Variants in MICU3 observed in about 807,000 individuals in gnomAD.
The protein encoded by MICU3 is mitochondrial calcium uptake 3, also known as calcium uptake protein 3, mitochondrial.
A neutral mutation model predicts 66.5 loss-of-function variants in MICU3; 62 were observed. The ratio of observed to expected loss-of-function variants is 0.93; its 90% confidence interval spans 0.76 to 1.15. MICU3 has a LOEUF of 1.15. MICU3 is among the 50% of genes most tolerant of loss of function. MICU3 has a pLI of 0.00. For missense variants in MICU3, 779 were observed against 664.4 expected, an observed-to-expected ratio of 1.17 and a Z score of -1.90; for synonymous variants, 308 against 240.7, an observed-to-expected ratio of 1.28 and a Z score of -2.59.
chr8:17,126,447 G>GA (rs1803407114), downstream of MICU3, among the ~76,000 whole-genome samples: 1 of 152,100 alleles, frequency 6.6e-6, no homozygotes, highest in Non-Finnish European at 1.5e-5. Flanking sequence ...AGGGAGTGAG[G>GA]AAAAATCGGC....
intron 5 of MICU3, among the ~76,000 whole-genome samples, chr8:17,084,368 A>T (rs927043761): frequency 6.6e-6 from 1 of 152,146 alleles, no homozygotes; most frequent in African/African-American, 2.4e-5. Flanking sequence ...TTATTTTCAG[A>T]AACAGCTGTT....
intron 3 of MICU3, among the ~76,000 whole-genome samples, chr8:17,072,932 G>A (rs766385908): frequency 1.3e-4 from 20 of 152,070 alleles, no homozygotes; most frequent in Non-Finnish European, 2.6e-4. Flanking sequence ...TGTCACCCAG[G>A]CTGGAGTGCA....
chr8:17,074,054 G>A (rs1042125008), intron 3 of MICU3, among the ~76,000 whole-genome samples: 2 of 149,530 alleles, frequency 1.3e-5, no homozygotes, highest in African/African-American at 4.9e-5. Flanking sequence ...TTTTCTTTTT[G>A]GTTTTTTTTT....
chr8:17,118,219 A>T (rs1366720067), intron 13 of MICU3, among the ~76,000 whole-genome samples: 1 of 152,114 alleles, frequency 6.6e-6, no homozygotes, highest in Non-Finnish European at 1.5e-5. Flanking sequence ...TTTTATTTTT[A>T]TTTATTACAT....
downstream of MICU3, among the ~76,000 whole-genome samples, chr8:17,124,763 A>G (rs768514954): frequency 2.5e-4 from 38 of 151,978 alleles, no homozygotes; most frequent in Non-Finnish European, 4.6e-4. Flanking sequence ...AGGGATAGAA[A>G]TAGAGTATGG....
chr8:17,124,543 G>T (rs1042202870), downstream of MICU3, among the ~76,000 whole-genome samples: 1 of 151,988 alleles, frequency 6.6e-6, no homozygotes, highest in East Asian at 1.9e-4. Flanking sequence ...TGGCCCAGAG[G>T]TGTTATTCTA....
chr8:17,080,532 G>A (rs28578171), intron 4 of MICU3, among the ~76,000 whole-genome samples: 66,141 of 151,706 alleles, frequency 0.44, 14,895 homozygotes, highest in African/African-American at 0.54. Context: ...TCCTTTTCTC[G>A]CCCCTTCTTT....
chr8:17,120,285 T>G lies in MICU3; in HGVS notation c.*1-3T>G, dbSNP rs1803104242. On this transcript the variant is annotated splice_region_variant and splice_polypyrimidine_tract_variant and intron_variant, in intron 14 of 14. Coordinates refer to ENST00000318063, the MANE Select transcript of MICU3 (RefSeq NM_181723.3). ...CTTTTGTGTTATTATTTTTTTTAAT[T>G]AGATACTCCTAAAACAAAGTTTAAA... 6.6e-6 allele frequency: 1 copy of G among 152,156 alleles called. No individual in the cohort carries two copies. Among genetic ancestry groups the G allele is most frequent in the Admixed American group, 6.5e-5 (1 of 15,272 alleles). 9.4% of individuals were successfully genotyped at this position (152,156 alleles called of 1,614,324 possible).
intron 4 of MICU3, among the ~76,000 whole-genome samples, chr8:17,080,180 C>T (rs371572707): frequency 6.6e-6 from 1 of 151,558 alleles, no homozygotes; most frequent in Non-Finnish European, 1.5e-5. Context: ...AAAAATATAC[C>T]GTTCATCTTC....
chr8:17,101,112 T>C (rs1801217631), intron 9 of MICU3, among the ~76,000 whole-genome samples: 2 of 152,018 alleles, frequency 1.3e-5, no homozygotes, highest in Non-Finnish European at 2.9e-5. Flanking sequence ...AATAGTTTGA[T>C]ATATTTATAT....
At chr8:17,030,553 A>T (rs1811846759) in intron 1 of MICU3, among the ~76,000 whole-genome samples, 3 of 152,152 alleles carry the variant, frequency 2.0e-5, no homozygotes, top group Admixed American at 2.0e-4. Context: ...TATTAGTGTA[A>T]CATCCAAATG....
the MICU3 span, among the ~76,000 whole-genome samples, chr8:17,137,172 C>A: frequency 6.6e-6 from 1 of 151,956 alleles, no homozygotes; most frequent in Non-Finnish European, 1.5e-5. Flanking sequence ...GGCTTCTAGC[C>A]CAAAGGTTGC....
At chr8:17,044,538 A>C (rs547464732) in intron 1 of MICU3, among the ~76,000 whole-genome samples, 9 of 152,206 alleles carry the variant, frequency 5.9e-5, no homozygotes, top group Non-Finnish European at 1.2e-4. Context: ...GTAACCTAGA[A>C]AAATTGGTGA....
At chr8:17,131,667 G>A in the MICU3 span, 2 of 152,488 alleles carry the variant, frequency 1.3e-5, no homozygotes, top group African/African-American at 2.4e-5. Flanking sequence ...CCTGCAGCAT[G>A]GGAGAAACCA....
chr8:17,093,665 G>A (rs568838288), intron 8 of MICU3, among the ~76,000 whole-genome samples: 1 of 151,736 alleles, frequency 6.6e-6, no homozygotes. Context: ...ACCTGTATAA[G>A]ATTATAGATT....
chr8:17,056,133 T>A (rs1045406489), intron 1 of MICU3, among the ~76,000 whole-genome samples: 1 of 152,208 alleles, frequency 6.6e-6, no homozygotes, highest in Non-Finnish European at 1.5e-5. Flanking sequence ...ATCCCCTGTT[T>A]CAGATTCCTA....
intron 8 of MICU3, among the ~76,000 whole-genome samples, chr8:17,094,116 G>GTTTAGT (rs528734697): frequency 2.6e-3 from 392 of 151,942 alleles, no homozygotes; most frequent in African/African-American, 9.0e-3. Flanking sequence ...AAACAGTGTA[G>GTTTAGT]TTTACCCCTT....
Position 17,098,610 on chromosome 8 carries a change from G to A in MICU3, c.984+57G>A, listed in dbSNP as rs112371470. ...TATTTGCCATCTTGTTAATCTAGTC[G>A]TCATTTCATTTTAGTCACAGTGATG... On this transcript the variant is annotated intron_variant, in intron 9 of 14. Coordinates refer to ENST00000318063, the MANE Select transcript of MICU3 (RefSeq NM_181723.3). The A allele has an allele frequency of 6.1e-6, 7 of 1,154,748 alleles. 1 individual carries two copies. In the African/African-American group the frequency reaches 6.1e-5, roughly 10 times the overall value. The allele number at this position is 1,154,748 out of a possible 1,614,324, so 71.5% of individuals were successfully genotyped here. A position where few individuals can be genotyped will look rare whatever the true frequency, so the allele number is the denominator to read the frequency against.
At chr8:17,057,706 A>T (rs1028530406) in intron 1 of MICU3, among the ~76,000 whole-genome samples, 1 of 152,130 alleles carries the variant, frequency 6.6e-6, no homozygotes, top group African/African-American at 2.4e-5. Context: ...AGTATGTAAC[A>T]CTGAATTGAT....
Sources: gnomAD v4.1 joint callset for allele counts (sites outside exome capture counted in the v4.1 genomes callset) on GRCh38, gnomAD v4.1.1 for gene constraint, MANE v1.5 for transcripts, NCBI Gene and HGNC (gene_info 2026-07-23, HGNC 2026-07-21) for gene names.